Variants in SMAD6 observed in about 807,000 individuals in gnomAD.
The protein encoded by SMAD6 is MAD homolog 6.
A neutral mutation model predicts 39.4 loss-of-function variants in SMAD6; 103 were observed. That is an observed-to-expected ratio of 2.62 (90% CI 2.23 to 3.08). The LOEUF is 3.08. Among genes scored for constraint, SMAD6 ranks in the 30% most tolerant of loss-of-function variants. The probability of loss-of-function intolerance (pLI) is 0.00; values close to 1 mark genes in which losing one functional copy is unlikely to be tolerated. For synonymous variants in SMAD6, 445 were observed against 353.3 expected, an observed-to-expected ratio of 1.26 and a Z score of -2.91; for missense variants, 1,104 against 742.9, an observed-to-expected ratio of 1.49 and a Z score of -5.65.
chr15:66,744,994 A>G (rs570600464), intron 3 of SMAD6, among the ~76,000 whole-genome samples: 32 of 152,216 alleles, frequency 2.1e-4, no homozygotes, highest in South Asian at 4.1e-4. Flanking sequence ...GAGAGGGTCA[A>G]TTGCCAAGAA....
At chr15:66,732,036 C>T (rs1365080750) in intron 3 of SMAD6, among the ~76,000 whole-genome samples, 3 of 151,370 alleles carry the variant, frequency 2.0e-5, no homozygotes, top group South Asian at 4.2e-4. Flanking sequence ...CTCTGCCTCC[C>T]GGGTTCAAGT....
chr15:66,782,327 C>A lies in SMAD6; in HGVS notation c.*792C>A, dbSNP rs370424226. ...AAAGGCCCAGGTCCATGCCCCCCATCTTTGAGTTATGAGCAAGCTAAAAGA... is the reference window on the plus strand; with the variant it reads ...AAAGGCCCAGGTCCATGCCCCCCATATTTGAGTTATGAGCAAGCTAAAAGA... On this transcript the variant is annotated 3_prime_UTR_variant, in exon 4 of 4. Transcript: ENST00000288840. 1.8e-3 allele frequency: 301 copies of A among 165,762 alleles called. No homozygotes were observed. Among genetic ancestry groups the A allele is most frequent in the African/African-American group, 6.8e-3 (288 of 42,176 alleles). The allele number at this position is 165,762 out of a possible 1,614,324, so 10.3% of individuals were successfully genotyped here.
chr15:66,734,497 G>A (rs756191262), intron 3 of SMAD6, among the ~76,000 whole-genome samples: 1 of 152,184 alleles, frequency 6.6e-6, no homozygotes, highest in Non-Finnish European at 1.5e-5. Flanking sequence ...GCCCTAGCCT[G>A]GCATTTATTT....
chr15:66,703,923 C>A lies in SMAD6; in HGVS notation c.665C>A (p.Pro222Gln), dbSNP rs1202204558. The stretch of plus-strand genomic sequence containing the variant: ...CGCCTGGGCGGCCAGCCCGCGCCGC[C>A]GCAGCTGCTGCTCGGCCGCCTCTTT... Reference protein sequence around the residue: ...DLRLGGQPAPPQLLLGRLFRW... With the variant: ...DLRLGGQPAPQQLLLGRLFRW... Residue 222 changes from proline (P) to glutamine (Q), a missense_variant, in exon 1 of 4, where the codon CCG becomes CAG. Coordinates refer to ENST00000288840, the MANE Select transcript of SMAD6 (RefSeq NM_005585.5). The A allele has an allele frequency of 1.5e-6, 2 of 1,318,666 alleles. No individual in the cohort carries two copies. Among genetic ancestry groups the A allele is most frequent in the Non-Finnish European group, 1.9e-6 (2 of 1,037,708 alleles). The allele number at this position is 1,318,666 out of a possible 1,614,324, so 81.7% of individuals were successfully genotyped here. A position where few individuals can be genotyped will look rare whatever the true frequency, so the allele number is the denominator to read the frequency against.
chr15:66,728,174 C>T (rs2140621366), intron 3 of SMAD6, among the ~76,000 whole-genome samples: 1 of 152,220 alleles, frequency 6.6e-6, no homozygotes, highest in Non-Finnish European at 1.5e-5. Context: ...TTTCTTGTGT[C>T]ACTATAGCCC....
intron 3 of SMAD6, among the ~76,000 whole-genome samples, chr15:66,760,507 G>A (rs1595792872): frequency 6.6e-6 from 1 of 152,246 alleles, no homozygotes; most frequent in East Asian, 1.9e-4. Flanking sequence ...ACTCGTCAGT[G>A]ATTAGTACTT....
intron 3 of SMAD6, among the ~76,000 whole-genome samples, chr15:66,738,762 G>A (rs969110871): frequency 3.0e-4 from 45 of 152,098 alleles, no homozygotes; most frequent in Admixed American, 2.9e-3. Context: ...CAGAGAGCGG[G>A]TTCTGATGGG....
chr15:66,736,078 C>T (rs575387143), intron 3 of SMAD6, among the ~76,000 whole-genome samples: 2 of 152,076 alleles, frequency 1.3e-5, no homozygotes, highest in South Asian at 2.1e-4. Context: ...AAGCCACCCA[C>T]GGAGTGCTGG....
chr15:66,717,253 C>CAG, intron 3 of SMAD6: 4 of 656,644 alleles, frequency 6.1e-6, no homozygotes, highest in South Asian at 1.5e-5. Flanking sequence ...CTGACAGCCC[C>CAG]TCAGGCTGGG....
chr15:66,742,688 A>G (rs559831347), intron 3 of SMAD6, among the ~76,000 whole-genome samples: 1 of 152,298 alleles, frequency 6.6e-6, no homozygotes, highest in East Asian at 1.9e-4. Flanking sequence ...GTACTCCCTC[A>G]TAATGAAGCT....
intron 1 of SMAD6, chr15:66,707,248 G>GAAT (rs1194761364): frequency 2.0e-5 from 3 of 151,914 alleles, no homozygotes; most frequent in Non-Finnish European, 2.9e-5. Flanking sequence ...ATTAACTTCG[G>GAAT]AATAAATCTC....
Position 66,714,158 on chromosome 15 carries a change from G to A in SMAD6, c.875-2263G>A, listed in dbSNP as rs952726973. 5.9e-5 allele frequency among the ~76,000 whole-genome samples: 9 copies of A among 152,264 alleles called. No individual in the cohort carries two copies. In the East Asian group the frequency reaches 9.6e-4, roughly 16 times the overall value. On this transcript the variant is annotated intron_variant, in intron 2 of 3. Coordinates refer to ENST00000288840, the MANE Select transcript of SMAD6 (RefSeq NM_005585.5). Reference sequence around the variant, plus strand: ...CTCAGTTTGAATGTCAAGGATCATCGCCCTGAGGTTTTGTCAGTTAGCCTG... The same window carrying A: ...CTCAGTTTGAATGTCAAGGATCATCACCCTGAGGTTTTGTCAGTTAGCCTG...
chr15:66,703,495 C>T lies in SMAD6; in HGVS notation c.237C>T (p.Gly79=), dbSNP rs1302590142. 2 of 1,228,332 alleles carry T rather than the reference C, an allele frequency of 1.6e-6. No individual in the cohort carries two copies. The highest frequency in any genetic ancestry group is 4.1e-5 in the South Asian group (1 of 24,406). 76.1% of individuals were successfully genotyped at this position (1,228,332 alleles called of 1,614,324 possible). A position where few individuals can be genotyped will look rare whatever the true frequency, so the allele number is the denominator to read the frequency against. The stretch of plus-strand genomic sequence containing the variant: ...CAGTGGGACAGCGAGGCGCCCAGGG[C>T]GCGGGGAGGCGCCGGCGCGCAGGGG... The part of the protein sequence containing the change: ...RDAVGQRGAQ[G]AGRRRRAGGP... The change falls in exon 1 of 4, where the codon GGC becomes GGT. Residue 79 remains glycine, a synonymous_variant. Coordinates refer to ENST00000288840, the MANE Select transcript of SMAD6 (RefSeq NM_005585.5).
At chr15:66,742,828 C>A (rs987745410) in intron 3 of SMAD6, among the ~76,000 whole-genome samples, 1 of 152,136 alleles carries the variant, frequency 6.6e-6, no homozygotes, top group Admixed American at 6.5e-5. Context: ...CTGCCCGCTG[C>A]GCTCCCTGGC....
rs537260702 is a variant in SMAD6, at chr15:66,729,624, C to T, written c.952+13126C>T. Among the ~76,000 whole-genome samples the T allele has an allele frequency of 2.0e-4, 30 of 152,294 alleles. No individual in the cohort carries two copies. The South Asian group carries it at 5.8e-3, about 29-fold the overall frequency. ...AGGGGGCGCCGGGCCCCTCTGACAG[C>T]GTGGACTCCCAGGCCCTTCTGAGGG... is the stretch of plus-strand genomic sequence containing the variant. On this transcript the variant is annotated intron_variant, in intron 3 of 3. Transcript: ENST00000288840.
intron 1 of SMAD6, chr15:66,706,980 C>T (rs1281911520): frequency 6.6e-6 from 1 of 152,422 alleles, no homozygotes; most frequent in Non-Finnish European, 1.5e-5. Context: ...TCCCCTCCCC[C>T]ACTCTGCCCC....
intron 3 of SMAD6, among the ~76,000 whole-genome samples, chr15:66,731,221 G>A (rs1893621762): frequency 6.6e-6 from 1 of 151,834 alleles, no homozygotes; most frequent in Non-Finnish European, 1.5e-5. Flanking sequence ...GGCGGATCAC[G>A]AGGTCAGGAG....
chr15:66,745,609 A>G (rs888553816), intron 3 of SMAD6, among the ~76,000 whole-genome samples: 7 of 152,172 alleles, frequency 4.6e-5, no homozygotes, highest in Non-Finnish European at 8.8e-5. Context: ...TACTGAATCT[A>G]TTTTGTTGAT....
chr15:66,782,073 G>A lies in SMAD6; in HGVS notation c.*538G>A, dbSNP rs1894589177. 2 of 397,148 alleles carry A rather than the reference G, an allele frequency of 5.0e-6. No individual in the cohort carries two copies. The highest frequency in any genetic ancestry group is 8.9e-6 in the Non-Finnish European group (2 of 225,666). 24.6% of individuals were successfully genotyped at this position (397,148 alleles called of 1,614,324 possible). ...TGACCCATCATGTACCTTGAAACTT[G>A]ACCTCAGTTTTCAAGTTTTACTTTT... On this transcript the variant is annotated 3_prime_UTR_variant, in exon 4 of 4. Transcript: ENST00000288840.
Sources: allele counts gnomAD v4.1 joint callset (sites outside exome capture counted in the v4.1 genomes callset), GRCh38; gene constraint gnomAD v4.1.1; transcripts MANE v1.5; gene names NCBI Gene and HGNC (gene_info 2026-07-23, HGNC 2026-07-21).